Variants in TMEM237 observed in about 807,000 individuals in gnomAD.
TMEM237 encodes the protein transmembrane protein 237, also known as amyotrophic lateral sclerosis 2 (juvenile) chromosome region, candidate 4.
Under a neutral mutation model 59.1 loss-of-function variants are expected in TMEM237, and 51 were observed. That is an observed-to-expected ratio of 0.86 (90% confidence interval 0.69 to 1.09). The LOEUF (loss-of-function observed/expected upper bound fraction) is 1.09. Among genes scored for constraint, TMEM237 ranks in the 50% least tolerant of loss-of-function variants. TMEM237 has a pLI of 0.00. For missense variants in TMEM237, 475 were observed against 478.3 expected, an observed-to-expected ratio of 0.99 and a Z score of 0.06; for synonymous variants, 140 against 166.1, an observed-to-expected ratio of 0.84 and a Z score of 1.21.
At chr2:201,642,760 C>A in intron 1 of TMEM237, 1 of 1,447,454 alleles carries the variant, frequency 6.9e-7, no homozygotes. Context: ...GCGCAGCGCC[C>A]TGCGGGGATG....
chr2:201,636,980 A>G, intron 4 of TMEM237, 95 bp from the exon 5 acceptor site: 1 of 1,256,968 alleles, frequency 8.0e-7, no homozygotes, highest in East Asian at 2.5e-5. Flanking sequence ...AATGTTTCCT[A>G]TAGAATAACC....
At position 201,643,274 on chromosome 2, in the gene TMEM237, G is replaced by GGCCCCCCCCCCACAC; in HGVS notation, c.42+84_42+85insGTGTGGGGGGGGGGC. 8.3e-7 allele frequency: 1 copy of GGCCCCCCCCCCACAC among 1,206,760 alleles called. No individual in the cohort carries two copies. Among genetic ancestry groups the GGCCCCCCCCCCACAC allele is most frequent in the Non-Finnish European group, 1.2e-6 (1 of 849,320 alleles). The allele number at this position is 1,206,760 out of a possible 1,614,324, so 74.8% of individuals were successfully genotyped here. ...CCTTAGTGATTCCCAGCTCGTTGGC[G>GGCCCCCCCCCCACAC]CCCCCCCACACACACCCACCCCCAC... is the stretch of plus-strand genomic sequence containing the variant. On this transcript the variant is annotated intron_variant, in intron 1 of 12. Transcript: ENST00000409883. This position sits in a 1 kb window ranked among gnomAD's most constrained non-coding sequence, Gnocchi z 4.3.
At chr2:201,632,295 A>C (rs2105900336) in intron 6 of TMEM237, 87 bp from the exon 7 acceptor site, 2 of 1,431,170 alleles carry the variant, frequency 1.4e-6, no homozygotes, top group Non-Finnish European at 9.6e-7. Context: ...ATATAATGGA[A>C]AGGGCCCTGG....
At chr2:201,628,680 C>T (rs1957780817) in intron 9 of TMEM237, among the ~76,000 whole-genome samples, 1 of 152,098 alleles carries the variant, frequency 6.6e-6, no homozygotes, top group Non-Finnish European at 1.5e-5. Context: ...GAAAGTGCTG[C>T]ATGACGATAG....
intron 1 of TMEM237, chr2:201,642,987 G>T: frequency 7.7e-7 from 1 of 1,298,636 alleles, no homozygotes; most frequent in Non-Finnish European, 9.7e-7. Flanking sequence ...CTCCGCAGGC[G>T]AACAGATCTC....
At position 201,637,768 on chromosome 2, in the gene TMEM237, A is replaced by G. The variant is rs371587151; in HGVS notation, c.137-883T>C. On this transcript the variant is annotated intron_variant, in intron 4 of 12. Coordinates refer to ENST00000409883, the MANE Select transcript of TMEM237 (RefSeq NM_001044385.3). ...TCAAAAAAAAAAAAAAAAAATAGAA[A>G]TGTATCAATAAACAAATGAAAATGT... is the stretch of plus-strand genomic sequence containing the variant. Among the ~76,000 whole-genome samples, 241 of 152,000 alleles carry G rather than the reference A, an allele frequency of 1.6e-3. 1 individual carries two copies. Among genetic ancestry groups the G allele is most frequent in the African/African-American group, 5.4e-3 (224 of 41,386 alleles).
chr2:201,629,161 G>T, intron 9 of TMEM237, 69 bp downstream of exon 9: 1 of 1,212,504 alleles, frequency 8.2e-7, no homozygotes, highest in Non-Finnish European at 1.1e-6. Context: ...AACTATCATG[G>T]TCAGTGACAC....
intron 1 of TMEM237, among the ~76,000 whole-genome samples, chr2:201,641,198 G>A (rs1243090056): frequency 6.6e-6 from 1 of 152,068 alleles, no homozygotes; most frequent in African/African-American, 2.4e-5. Flanking sequence ...CACCATGTTG[G>A]CCAGGCTGGT....
At chr2:201,626,607 C>T (rs549712532) in intron 11 of TMEM237, among the ~76,000 whole-genome samples, 1 of 150,812 alleles carries the variant, frequency 6.6e-6, no homozygotes, top group Admixed American at 6.6e-5. Context: ...ATCCTGTCAG[C>T]TTCATGGCTG....
rs574388682 is a variant in TMEM237 at position 201,638,820 on chromosome 2, C to A, written c.136+169G>T. 11 of 682,264 alleles carry A rather than the reference C, an allele frequency of 1.6e-5. No individual in the cohort carries two copies. The African/African-American group carries it at 2.0e-4, about 12-fold the overall frequency. 42.3% of individuals were successfully genotyped at this position (682,264 alleles called of 1,614,324 possible). A position where few individuals can be genotyped will look rare whatever the true frequency, so the allele number is the denominator to read the frequency against. On this transcript the variant is annotated intron_variant, in intron 4 of 12. Transcript: ENST00000409883. The stretch of plus-strand genomic sequence containing the variant: ...TCCTCAGGCTGCCCACTGCCCTGTA[C>A]CTCACCACCACCAGGAATTCCACTG...
At chr2:201,636,918 T>C in intron 4 of TMEM237, 33 bp from the exon 5 acceptor site, 2 of 1,573,390 alleles carry the variant, frequency 1.3e-6, no homozygotes, top group Non-Finnish European at 8.6e-7. Flanking sequence ...AAAATGAGAT[T>C]ACTTGAGCAA....
At position 201,636,645 on chromosome 2, in the gene TMEM237, T is replaced by C. The variant is rs1687300853; in HGVS notation, c.274+103A>G. The C allele has an allele frequency of 5.2e-6, 7 of 1,334,274 alleles. No individual in the cohort carries two copies. The South Asian group carries it at 6.9e-5, about 13-fold the overall frequency. The allele number at this position is 1,334,274 out of a possible 1,614,324, so 82.7% of individuals were successfully genotyped here. ...TTAAACATAAAAGCAAGAAACCACC[T>C]GTGGGATATGGATAGGGGGAAAGAA... On this transcript the variant is annotated intron_variant, in intron 5 of 12. Coordinates refer to ENST00000409883, the MANE Select transcript of TMEM237 (RefSeq NM_001044385.3).
intron 5 of TMEM237, among the ~76,000 whole-genome samples, chr2:201,634,140 C>T (rs774946486): frequency 1.3e-5 from 2 of 151,948 alleles, no homozygotes; most frequent in African/African-American, 2.4e-5. Flanking sequence ...CAGATGCCAG[C>T]TAACGGCCAA....
rs1194420339 is a variant in TMEM237 at position 201,629,251 on chromosome 2, C to A, written c.848G>T (p.Ser283Ile). ...QSLLYLLLAL[S>I]TISAFDRIDF... The stretch of plus-strand genomic sequence containing the variant: ...TTACCTGTCAAAAGCTGAAATTGTA[C>A]TCAGAGCCAAAAGCAAGTACAGAAG... Residue 283 changes from serine to isoleucine, a missense_variant, in exon 9 of 13, where the codon AGT (serine) becomes ATT (isoleucine). Ser to Ile is a moderately radical substitution (Grantham distance 142). Transcript: ENST00000409883. 6.4e-7 allele frequency: 1 copy of A among 1,573,878 alleles called. No individual in the cohort carries two copies. The highest frequency in any genetic ancestry group is 8.6e-7 in the Non-Finnish European group (1 of 1,166,294).
Position 201,636,771 on chromosome 2 carries a change from T to A in TMEM237, c.251A>T (p.Gln84Leu), listed in dbSNP as rs373811074. The part of the protein sequence containing the change: ...EHPEAPVQRR[Q>L]KKTRLPLELE... ...ACCAAGAGGTAGCCTTGTCTTTTTC[T>A]GTCTTCTTTGAACAGGAGCCTCTGG... is the stretch of plus-strand genomic sequence containing the variant. Residue 84 changes from glutamine to leucine, a missense_variant, in exon 5 of 13, where the codon CAG becomes CTG. Coordinates refer to ENST00000409883, the MANE Select transcript of TMEM237 (RefSeq NM_001044385.3). 7 of 1,579,832 alleles carry A rather than the reference T, an allele frequency of 4.4e-6. No individual in the cohort carries two copies. Among genetic ancestry groups the A allele is most frequent in the Non-Finnish European group, 6.0e-6 (7 of 1,161,766 alleles).
In TMEM237 at chr2:201,623,010, C is replaced by T. The variant is rs1288468641; in HGVS notation, c.*1245G>A. 5.6e-6 allele frequency: 1 copy of T among 178,480 alleles called. No individual in the cohort carries two copies. The highest frequency in any genetic ancestry group is 2.3e-5 in the African/African-American group (1 of 42,684). 11.1% of individuals were successfully genotyped at this position (178,480 alleles called of 1,614,324 possible). A position where few individuals can be genotyped will look rare whatever the true frequency, so the allele number is the denominator to read the frequency against. On this transcript the variant is annotated 3_prime_UTR_variant, in exon 13 of 13. Transcript: ENST00000409883. ...AGTGAAAGCTGGAACTAGCAGGATG[C>T]CTTCAGAATTGCCAGCAAATTCACA... is the stretch of plus-strand genomic sequence containing the variant.
Position 201,621,913 on chromosome 2 carries a change from G to A in TMEM237, c.*2342C>T, listed in dbSNP as rs1052921904. ...ACTGTGAGATCATTCCCTGCTTCCT[G>A]GAGACATGCATTAGCAGTGAACTTC... is the stretch of plus-strand genomic sequence containing the variant. On this transcript the variant is annotated 3_prime_UTR_variant, in exon 13 of 13. Coordinates refer to ENST00000409883, the MANE Select transcript of TMEM237 (RefSeq NM_001044385.3). The A allele has an allele frequency of 6.6e-6, 1 of 152,412 alleles. No individual in the cohort carries two copies. The highest frequency in any genetic ancestry group is 2.1e-4 in the South Asian group (1 of 4,830). The allele number at this position is 152,412 out of a possible 1,614,324, so 9.4% of individuals were successfully genotyped here. A position where few individuals can be genotyped will look rare whatever the true frequency, so the allele number is the denominator to read the frequency against.
intron 1 of TMEM237, chr2:201,642,696 C>T: frequency 6.3e-7 from 1 of 1,589,400 alleles, no homozygotes; most frequent in Non-Finnish European, 8.6e-7. Context: ...CCGGCTCGGT[C>T]GCGCGCGCAG....
intron 5 of TMEM237, 84 bp downstream of exon 5, chr2:201,636,664 G>A: frequency 1.4e-6 from 2 of 1,465,576 alleles, no homozygotes; most frequent in Non-Finnish European, 1.8e-6. Context: ...TGGATAGGGG[G>A]AAAGAAATGA....
Sources: gnomAD v4.1 joint callset for allele counts (sites outside exome capture counted in the v4.1 genomes callset) on GRCh38, gnomAD v4.1.1 for gene constraint, Gnocchi (gnomAD v3.1) non-coding constraint, MANE v1.5 for transcripts, NCBI Gene and HGNC (gene_info 2026-07-23, HGNC 2026-07-21) for gene names.